The following PROSER2 variants were observed in gnomAD, a reference collection of about 807,000 sequenced individuals.
PROSER2 encodes proline and serine rich 2.
PROSER2 carries 18 observed loss-of-function variants against 14.6 expected under a neutral mutation model. The ratio of observed to expected loss-of-function variants is 1.23; its 90% CI spans 0.85 to 1.83. The LOEUF is 1.83. Among genes scored for constraint, PROSER2 ranks in the 40% most tolerant of loss-of-function variants. PROSER2 has a pLI of 0.00. For missense variants in PROSER2, 823 were observed against 629.8 expected, an observed-to-expected ratio of 1.31 and a Z score of -3.28; for synonymous variants, 367 against 286.4, an observed-to-expected ratio of 1.28 and a Z score of -2.84.
intron 1 of PROSER2, among the ~76,000 whole-genome samples, chr10:11,828,595 C>T (rs1298783828): frequency 5.9e-5 from 9 of 151,974 alleles, no homozygotes; most frequent in African/African-American, 1.2e-4. Context: ...CCCAGCTACT[C>T]GGGAGGCTGA....
chr10:11,829,192 G>A (rs113678704), intron 1 of PROSER2, among the ~76,000 whole-genome samples: 147 of 152,052 alleles, frequency 9.7e-4, no homozygotes, highest in African/African-American at 3.3e-3. Context: ...GAGGAAGACA[G>A]AATAGAAAAA....
chr10:11,867,419 G>A (rs955737786), intron 3 of PROSER2, among the ~76,000 whole-genome samples: 1 of 152,126 alleles, frequency 6.6e-6, no homozygotes, highest in African/African-American at 2.4e-5. Context: ...GATCACTTGA[G>A]GCCAGGAGTT....
intron 1 of PROSER2, among the ~76,000 whole-genome samples, chr10:11,825,146 A>G (rs138864793): frequency 6.6e-6 from 1 of 152,272 alleles, no homozygotes; most frequent in East Asian, 1.9e-4. Context: ...CTGTGTGTTG[A>G]TTTGGAAGAT....
At chr10:11,832,185 C>T (rs140505281) in intron 1 of PROSER2, among the ~76,000 whole-genome samples, 10 of 152,182 alleles carry the variant, frequency 6.6e-5, no homozygotes, top group South Asian at 2.1e-4. Context: ...AAACCGTGAC[C>T]GCATCAATGT....
chr10:11,859,015 A>AAAAAAAAAAAAAC, intron 2 of PROSER2, among the ~76,000 whole-genome samples: 1 of 102,292 alleles, frequency 9.8e-6, no homozygotes, highest in Non-Finnish European at 2.2e-5. Flanking sequence ...TCTCAAAAAA[A>AAAAAAAAAAAAAC]AAAAAAAAAA....
rs1834125621 is a variant in PROSER2, at chr10:11,856,554, T to C, written c.138+4339T>C. On this transcript the variant is annotated intron_variant, in intron 2 of 3. Transcript: ENST00000277570. The surrounding 1 kb of genome is among the most constrained non-coding windows in gnomAD (Gnocchi z 5.3). ...GGGGACATCCCAAGTCTACCTGTTA[T>C]TTGTTTTTACCTCTGGCTTGGGCAG... Among the ~76,000 whole-genome samples, 2 of 152,260 alleles carry C rather than the reference T, an allele frequency of 1.3e-5. No homozygotes were observed. Among genetic ancestry groups the C allele is most frequent in the South Asian group, 4.1e-4 (2 of 4,830 alleles).
rs899658113 is a variant in PROSER2 at position 11,869,091 on chromosome 10, C to T, written c.392-399C>T. 1.3e-5 allele frequency among the ~76,000 whole-genome samples: 2 copies of T among 152,134 alleles called. No homozygotes were observed. The highest frequency in any genetic ancestry group is 2.4e-5 in the African/African-American group (1 of 41,442). On this transcript the variant is annotated intron_variant, in intron 3 of 3. Transcript: ENST00000277570. The surrounding 1 kb of genome is among the most constrained non-coding windows in gnomAD (Gnocchi z 4.4). The stretch of plus-strand genomic sequence containing the variant: ...AGTGACACAGCTACATGTCCTTCAT[C>T]CAGAAAGACCTGCTGGTGTCGGTGT...
intron 1 of PROSER2, among the ~76,000 whole-genome samples, chr10:11,843,546 C>T (rs1017488117): frequency 9.2e-5 from 14 of 151,904 alleles, no homozygotes; most frequent in Non-Finnish European, 1.3e-4. Flanking sequence ...ATTATAGGCG[C>T]GTGGTAGCAC....
At position 11,870,315 on chromosome 10, in the gene PROSER2, G is replaced by T; in HGVS notation, c.1217G>T (p.Gly406Val). The T allele has an allele frequency of 6.7e-7, 1 of 1,497,210 alleles. No individual in the cohort carries two copies. The highest frequency in any genetic ancestry group is 1.3e-5 in the South Asian group (1 of 79,548). The allele number at this position is 1,497,210 out of a possible 1,614,324, so 92.7% of individuals were successfully genotyped here. The change falls in exon 4 of 4, where the codon GGC (glycine) becomes GTC (valine). Residue 406 changes from glycine to valine, a missense_variant. Physicochemically the swap from Gly to Val is moderately radical, Grantham distance 109. Transcript: ENST00000277570. ...GCAGACTCCCTGCCCCGGCCCCAGG[G>T]CATCACCGTGCAGTTCGCGGGCCGC... ...RRADSLPRPQ[G>V]ITVQFAGRGS...
intron 3 of PROSER2, among the ~76,000 whole-genome samples, chr10:11,867,839 G>C (rs1181977842): frequency 1.3e-5 from 2 of 152,150 alleles, no homozygotes; most frequent in Non-Finnish European, 2.9e-5. Context: ...ATATCTTCCA[G>C]TTTTTTTCCC....
chr10:11,840,430 A>G (rs1221178021), intron 1 of PROSER2, among the ~76,000 whole-genome samples: 1 of 152,208 alleles, frequency 6.6e-6, no homozygotes, highest in African/African-American at 2.4e-5. Context: ...TTAATGTGCT[A>G]CATCACGTTG....
rs1279829797 is a variant in PROSER2, at chr10:11,870,773, T to C, written c.*367T>C. ...CTGATTATCATTCTTGAGTCTCATC[T>C]ACCCTCTTCTCGAAGTACATGACAT... On this transcript the variant is annotated 3_prime_UTR_variant, in exon 4 of 4. Coordinates refer to ENST00000277570, the MANE Select transcript of PROSER2 (RefSeq NM_153256.4). The C allele has an allele frequency of 5.1e-6, 1 of 196,608 alleles. No homozygotes were observed. 12.2% of individuals were successfully genotyped at this position (196,608 alleles called of 1,614,324 possible). A position where few individuals can be genotyped will look rare whatever the true frequency, so the allele number is the denominator to read the frequency against.
chr10:11,825,527 A>G lies in PROSER2; in HGVS notation c.-82+2057A>G, dbSNP rs563118733. 2.0e-5 allele frequency among the ~76,000 whole-genome samples: 3 copies of G among 152,266 alleles called. No homozygotes were observed. The South Asian group carries it at 6.2e-4, about 32-fold the overall frequency. On this transcript the variant is annotated intron_variant, in intron 1 of 3. Transcript: ENST00000277570. ...CTCTGAGGGGTCTCCTGGCCACCAT[A>G]GGAAAGCCTGTGTTCATGGAGGCAC... is the stretch of plus-strand genomic sequence containing the variant.
In PROSER2 at chr10:11,866,559, A is replaced by G. The variant is rs746347327; in HGVS notation, c.167A>G (p.His56Arg). The G allele has an allele frequency of 8.1e-6, 13 of 1,613,996 alleles. No homozygotes were observed. The highest frequency in any genetic ancestry group is 1.3e-5 in the African/African-American group (1 of 74,918). The change falls in exon 3 of 4, where the codon CAT becomes CGT. Residue 56 changes from histidine (H) to arginine (R), a missense_variant. Transcript: ENST00000277570. This position sits in a 1 kb window ranked among gnomAD's most constrained non-coding sequence, Gnocchi z 6.0. ...LDDESLKYLTHEEKDVLLFFE... is the reference protein window; with the variant it reads ...LDDESLKYLTREEKDVLLFFE... ...GATGAGAGCCTGAAGTACCTCACCC[A>G]TGAGGAAAAGGATGTGCTCCTGTTT...
rs1486412502 is a variant in PROSER2, at chr10:11,838,068, A to G, written c.-81-13929A>G. Among the ~76,000 whole-genome samples the G allele has an allele frequency of 6.6e-6, 1 of 152,016 alleles. No individual in the cohort carries two copies. The highest frequency in any genetic ancestry group is 6.6e-5 in the Admixed American group (1 of 15,262). The stretch of plus-strand genomic sequence containing the variant: ...CTCCAAGGTGCTGAAATGACCTGAT[A>G]AATCATTTCTTTAACCTCCAGGAAA... On this transcript the variant is annotated intron_variant, in intron 1 of 3. Coordinates refer to ENST00000277570, the MANE Select transcript of PROSER2 (RefSeq NM_153256.4). The surrounding 1 kb of genome is among the most constrained non-coding windows in gnomAD (Gnocchi z 4.4).
At position 11,830,752 on chromosome 10, in the gene PROSER2, G is replaced by T. The variant is rs1033453331; in HGVS notation, c.-82+7282G>T. On this transcript the variant is annotated intron_variant, in intron 1 of 3. Coordinates refer to ENST00000277570, the MANE Select transcript of PROSER2 (RefSeq NM_153256.4). This position sits in a 1 kb window ranked among gnomAD's most constrained non-coding sequence, Gnocchi z 4.5. ...CCAGTTTTTTCAACAAACATTTGGT[G>T]GTCCCCATTGCTTAAAAATGTGCTA... Among the ~76,000 whole-genome samples, 3 of 152,198 alleles carry T rather than the reference G, an allele frequency of 2.0e-5. No individual in the cohort carries two copies. Among genetic ancestry groups the T allele is most frequent in the Non-Finnish European group, 2.9e-5 (2 of 68,030 alleles).
At chr10:11,853,708 T>C (rs1834072908) in intron 2 of PROSER2, among the ~76,000 whole-genome samples, 1 of 152,162 alleles carries the variant, frequency 6.6e-6, no homozygotes, top group Non-Finnish European at 1.5e-5. Flanking sequence ...TTTGGATCCA[T>C]GCTCCTCCTT....
At chr10:11,844,598 C>G (rs1371504676) in intron 1 of PROSER2, among the ~76,000 whole-genome samples, 1 of 152,154 alleles carries the variant, frequency 6.6e-6, no homozygotes, top group African/African-American at 2.4e-5. Context: ...GAGATCTTTA[C>G]TCATCAGTAC....
intron 1 of PROSER2, among the ~76,000 whole-genome samples, chr10:11,845,981 T>G (rs1833919019): frequency 6.6e-6 from 1 of 152,176 alleles, no homozygotes; most frequent in South Asian, 2.1e-4. Context: ...ATTCATTCAT[T>G]CATGCATTCA....
Sources: gnomAD v4.1 joint callset for allele counts (sites outside exome capture counted in the v4.1 genomes callset) on GRCh38, gnomAD v4.1.1 for gene constraint, Gnocchi (gnomAD v3.1) non-coding constraint, MANE v1.5 for transcripts, NCBI Gene and HGNC (gene_info 2026-07-23, HGNC 2026-07-21) for gene names.